Variants in KCND3 observed in about 807,000 individuals in gnomAD.
The protein encoded by KCND3 is A-type voltage-gated potassium channel KCND3.
KCND3 carries 9 observed loss-of-function variants against 51.1 expected under a neutral mutation model. The observed-to-expected ratio is 0.18, with a 90% CI of 0.11 to 0.31. The LOEUF (loss-of-function observed/expected upper bound fraction) is 0.31. Among genes scored for constraint, KCND3 ranks in the 10% least tolerant of loss-of-function variants. The pLI is 1.00. For missense variants in KCND3, 526 were observed against 903.8 expected, an observed-to-expected ratio of 0.58 and a Z score of 5.36; for synonymous variants, 349 against 368.0, an observed-to-expected ratio of 0.95 and a Z score of 0.59.
Position 111,776,145 on chromosome 1 carries a change from C to A in KCND3, c.1900G>T (p.Ala634Ser), listed in dbSNP as rs1211163296. Reference sequence around the variant, plus strand: ...ATGTTCGTGTTGGGGCCTGGGCTGGCAGGGGGTGGCCGACTTTCCCCCTCT... The same window carrying A: ...ATGTTCGTGTTGGGGCCTGGGCTGGAAGGGGGTGGCCGACTTTCCCCCTCT... ...TPEGESRPPP[A>S]SPGPNTNIPS... is the part of the protein sequence containing the mutation. The change falls in exon 8 of 8, where the codon GCC (alanine) becomes TCC (serine). Residue 634 changes from alanine (A) to serine (S), a missense_variant. This residue lies in a region of KCND3 where 266 missense variants were observed against 305.5 expected (regional missense o/e 0.87). Transcript: ENST00000302127. 6.2e-7 allele frequency: 1 copy of A among 1,614,102 alleles called. No individual in the cohort carries two copies. The highest frequency in any genetic ancestry group is 8.5e-7 in the Non-Finnish European group (1 of 1,180,048).
intron 2 of KCND3, among the ~76,000 whole-genome samples, chr1:111,867,925 A>G (rs1475682253): frequency 6.6e-6 from 1 of 152,212 alleles, no homozygotes; most frequent in Non-Finnish European, 1.5e-5. Flanking sequence ...ACAAGGTGAC[A>G]TGGAGGAAGT....
chr1:111,809,650 C>CGT (rs10591522), intron 2 of KCND3, among the ~76,000 whole-genome samples: 11,025 of 149,822 alleles, frequency 0.074, 416 homozygotes, highest in Middle Eastern at 0.12. Flanking sequence ...TCACATTTCC[C>CGT]GTGTGTGTGT....
intron 2 of KCND3, among the ~76,000 whole-genome samples, chr1:111,889,277 G>A (rs1255884247): frequency 6.6e-6 from 1 of 152,188 alleles, no homozygotes; most frequent in Non-Finnish European, 1.5e-5. Flanking sequence ...ACTGAGTGAC[G>A]GCCCCTGGCC....
intron 2 of KCND3, among the ~76,000 whole-genome samples, chr1:111,817,012 A>G (rs749558569): frequency 6.6e-6 from 1 of 152,098 alleles, no homozygotes; most frequent in Non-Finnish European, 1.5e-5. Flanking sequence ...AAAATTCAAT[A>G]TTTTGGGGGT....
chr1:111,903,991 A>G (rs1470693040), intron 2 of KCND3, among the ~76,000 whole-genome samples: 1 of 152,176 alleles, frequency 6.6e-6, no homozygotes, highest in African/African-American at 2.4e-5. Context: ...GAGCGGAAGG[A>G]CAAGCAATTA....
intron 2 of KCND3, among the ~76,000 whole-genome samples, chr1:111,818,690 C>G (rs1191750465): frequency 1.3e-5 from 2 of 152,314 alleles, no homozygotes; most frequent in South Asian, 2.1e-4. Flanking sequence ...CTTCTTTGCT[C>G]CATGCCCTGG....
chr1:111,770,917 G>A lies in KCND3; in HGVS notation c.*5160C>T, dbSNP rs542765629. ...GATAAGCAAAGCCCATTTATTATAC[G>A]AAAATAGAAAAGAACACACTTGATG... On this transcript the variant is annotated 3_prime_UTR_variant, in exon 8 of 8. Coordinates refer to ENST00000302127, the MANE Select transcript of KCND3 (RefSeq NM_001378969.1). 5.3e-5 allele frequency: 8 copies of A among 151,836 alleles called. No individual in the cohort carries two copies. The highest frequency in any genetic ancestry group is 2.1e-4 in the South Asian group (1 of 4,818). 9.4% of individuals were successfully genotyped at this position (151,836 alleles called of 1,614,324 possible).
rs1014231639 is a variant in KCND3, at chr1:111,771,990, A to C, written c.*4087T>G. 1.3e-5 allele frequency: 2 copies of C among 152,192 alleles called. No homozygotes were observed. The highest frequency in any genetic ancestry group is 2.9e-5 in the Non-Finnish European group (2 of 68,020). 9.4% of individuals were successfully genotyped at this position (152,192 alleles called of 1,614,324 possible). ...TCACCACCCTGGAAATCCAGGTATG[A>C]AAAATATAAGCAAGCCTCAGAGCAG... On this transcript the variant is annotated 3_prime_UTR_variant, in exon 8 of 8. Coordinates refer to ENST00000302127, the MANE Select transcript of KCND3 (RefSeq NM_001378969.1).
chr1:111,889,452 G>C (rs1460503940), intron 2 of KCND3, among the ~76,000 whole-genome samples: 1 of 152,240 alleles, frequency 6.6e-6, no homozygotes, highest in Non-Finnish European at 1.5e-5. Context: ...TGTTCCTGTA[G>C]AGATCAGGAA....
chr1:111,963,052 G>A (rs894013961), intron 2 of KCND3, among the ~76,000 whole-genome samples: 1 of 152,136 alleles, frequency 6.6e-6, no homozygotes, highest in Admixed American at 6.5e-5. Flanking sequence ...TCTTGAGCAG[G>A]CCACCAGATA....
At chr1:111,904,165 T>C (rs1306201768) in intron 2 of KCND3, among the ~76,000 whole-genome samples, 1 of 151,272 alleles carries the variant, frequency 6.6e-6, no homozygotes, top group African/African-American at 2.4e-5. Context: ...CCCTCCCAGA[T>C]GGTGGAGTCC....
chr1:111,832,321 C>T (rs2078323), intron 2 of KCND3, among the ~76,000 whole-genome samples: 10,171 of 152,160 alleles, frequency 0.067, 555 homozygotes, highest in African/African-American at 0.15. Flanking sequence ...AAGCCTGGGA[C>T]GTTGGGTGAC....
intron 2 of KCND3, among the ~76,000 whole-genome samples, chr1:111,877,220 C>T (rs865830045): frequency 6.6e-6 from 1 of 152,232 alleles, no homozygotes; most frequent in East Asian, 1.9e-4. Context: ...CGTGAAGTGC[C>T]AGGCACTGTG....
intron 3 of KCND3, among the ~76,000 whole-genome samples, chr1:111,781,691 G>A (rs1481619382): frequency 6.6e-6 from 1 of 152,026 alleles, no homozygotes; most frequent in Non-Finnish European, 1.5e-5. Context: ...AGCTAATTTT[G>A]TATTTTTAGT....
chr1:111,975,326 T>G (rs1674567427), intron 2 of KCND3, among the ~76,000 whole-genome samples: 1 of 152,174 alleles, frequency 6.6e-6, no homozygotes, highest in Non-Finnish European at 1.5e-5. Flanking sequence ...TTTCTTCTTG[T>G]GAAATGCTTC....
intron 2 of KCND3, among the ~76,000 whole-genome samples, chr1:111,972,863 G>C (rs1212584697): frequency 1.3e-5 from 2 of 152,184 alleles, no homozygotes; most frequent in East Asian, 3.8e-4. Context: ...ATTGAATCAA[G>C]ATTTGTGCTG....
At chr1:111,866,621 C>CACAG (rs1310806782) in intron 2 of KCND3, among the ~76,000 whole-genome samples, 2 of 151,228 alleles carry the variant, frequency 1.3e-5, no homozygotes, top group East Asian at 3.9e-4. Flanking sequence ...CACACACACA[C>CACAG]ACGGCTGAGA....
chr1:111,772,004 G>A lies in KCND3; in HGVS notation c.*4073C>T, dbSNP rs534802149. 13 of 152,252 alleles carry A rather than the reference G, an allele frequency of 8.5e-5. No individual in the cohort carries two copies. The highest frequency in any genetic ancestry group is 2.9e-4 in the African/African-American group (12 of 41,562). 9.4% of individuals were successfully genotyped at this position (152,252 alleles called of 1,614,324 possible). On this transcript the variant is annotated 3_prime_UTR_variant, in exon 8 of 8. Coordinates refer to ENST00000302127, the MANE Select transcript of KCND3 (RefSeq NM_001378969.1). Reference sequence around the variant, plus strand: ...ATCCAGGTATGAAAAATATAAGCAAGCCTCAGAGCAGTGCAATATAATGTG... The same window carrying A: ...ATCCAGGTATGAAAAATATAAGCAAACCTCAGAGCAGTGCAATATAATGTG...
intron 2 of KCND3, among the ~76,000 whole-genome samples, chr1:111,962,513 C>T (rs1221825410): frequency 6.6e-6 from 1 of 152,214 alleles, no homozygotes. Flanking sequence ...CCAACCCCAA[C>T]CAAAACAGTG....
Sources: gnomAD v4.1 joint callset for allele counts (sites outside exome capture counted in the v4.1 genomes callset) on GRCh38, gnomAD v4.1.1 for gene constraint, gnomAD v4.1.1 regional missense constraint, MANE v1.5 for transcripts, NCBI Gene and HGNC (gene_info 2026-07-23, HGNC 2026-07-21) for gene names.